The following EP300 variants were observed in gnomAD, a reference collection of about 807,000 sequenced individuals.
EP300 encodes the protein histone acetyltransferase p300.
In EP300, 31 loss-of-function variants were observed where a neutral mutation model predicts 264.0. That is an observed-to-expected ratio of 0.12 (90% CI 0.09 to 0.16). The LOEUF is 0.16. Among genes scored for constraint, EP300 ranks in the 10% least tolerant of loss-of-function variants. The pLI is 1.00. For missense variants in EP300, 2,766 were observed against 3,052.9 expected (o/e 0.91, Z 2.21); for synonymous variants, 1,340 against 1,045.4 (o/e 1.28, Z -5.44).
chr22:41,121,290 C>T (rs1254299095), intron 2 of EP300, among the ~76,000 whole-genome samples: 1 of 152,090 alleles, frequency 6.6e-6, no homozygotes, highest in Non-Finnish European at 1.5e-5. Flanking sequence ...GGTAATTGGA[C>T]ATCTGGAGCA....
intron 16 of EP300, among the ~76,000 whole-genome samples, chr22:41,154,607 C>CA (rs1480468167): frequency 6.6e-6 from 1 of 151,890 alleles, no homozygotes; most frequent in Non-Finnish European, 1.5e-5. Context: ...CTTCTGACCT[C>CA]AAAGTGATCT....
At chr22:41,163,253 G>A in intron 21 of EP300, among the ~76,000 whole-genome samples, 1 of 149,158 alleles carries the variant, frequency 6.7e-6, no homozygotes, top group East Asian at 2.0e-4. Flanking sequence ...GGCTAAAACG[G>A]TGAAACCCCG....
Position 41,179,880 on chromosome 22 carries a change from TCACACACACACACACACACA to T in EP300, c.*948_*967del, listed in dbSNP as rs59721178. On this transcript the variant is annotated 3_prime_UTR_variant, in exon 31 of 31. Coordinates refer to ENST00000263253, the MANE Select transcript of EP300 (RefSeq NM_001429.4). ...TCTTCCTCCTTACCCTACCCCCCAC[TCACACACACACACACACACA>T]CACACACACACACACACACACACTT... 1.8e-3 allele frequency: 306 copies of T among 167,190 alleles called. 10 individuals carry two copies. The highest frequency in any genetic ancestry group is 5.3e-3 in the South Asian group (21 of 3,956). The allele number at this position is 167,190 out of a possible 1,614,324, so 10.4% of individuals were successfully genotyped here.
chr22:41,098,341 ATTCT>A (rs1301408685), intron 1 of EP300, among the ~76,000 whole-genome samples: 1 of 152,158 alleles, frequency 6.6e-6, no homozygotes, highest in African/African-American at 2.4e-5. Flanking sequence ...TTAGATCTAG[ATTCT>A]TTTTTATAAA....
chr22:41,098,810 G>A (rs540166451), intron 1 of EP300, among the ~76,000 whole-genome samples: 92 of 152,186 alleles, frequency 6.0e-4, no homozygotes, highest in African/African-American at 2.2e-3. Context: ...GTGAACTTTG[G>A]GCCAAATACT....
Position 41,177,406 on chromosome 22 carries a change from G to T in EP300, c.5695G>T (p.Gly1899Cys). The change falls in exon 31 of 31, where the codon GGT becomes TGT. Residue 1899 changes from glycine to cysteine, a missense_variant. Transcript: ENST00000263253. ...RTQAAGPVSQGKAAGQVTPPT... is the reference protein window; with the variant it reads ...RTQAAGPVSQCKAAGQVTPPT... ...TCAAGCTGCTGGCCCTGTGTCCCAGGGTAAGGCAGCAGGCCAGGTGACCCC... is the reference window on the plus strand; with the variant it reads ...TCAAGCTGCTGGCCCTGTGTCCCAGTGTAAGGCAGCAGGCCAGGTGACCCC... The T allele has an allele frequency of 1.9e-6, 3 of 1,614,102 alleles. No individual in the cohort carries two copies. Among genetic ancestry groups the T allele is most frequent in the Non-Finnish European group, 2.5e-6 (3 of 1,180,022 alleles).
At position 41,180,018 on chromosome 22, in the gene EP300, A is replaced by G. The variant is rs2059234645; in HGVS notation, c.*1062A>G. The G allele has an allele frequency of 4.3e-6, 1 of 231,492 alleles. No individual in the cohort carries two copies. The highest frequency in any genetic ancestry group is 1.8e-4 in the South Asian group (1 of 5,522). The allele number at this position is 231,492 out of a possible 1,614,324, so 14.3% of individuals were successfully genotyped here. Reference sequence around the variant, plus strand: ...ATAAATATGAACTTTGGATCACTGTATAGACTGTTAAATTTGATTTCTTAT... The same window carrying G: ...ATAAATATGAACTTTGGATCACTGTGTAGACTGTTAAATTTGATTTCTTAT... On this transcript the variant is annotated 3_prime_UTR_variant, in exon 31 of 31. Coordinates refer to ENST00000263253, the MANE Select transcript of EP300 (RefSeq NM_001429.4).
rs2059230323 is a variant in EP300 at position 41,179,781 on chromosome 22, G to C, written c.*825G>C. 1 of 228,604 alleles carries C rather than the reference G, an allele frequency of 4.4e-6. No homozygotes were observed. The allele number at this position is 228,604 out of a possible 1,614,324, so 14.2% of individuals were successfully genotyped here. A position where few individuals can be genotyped will look rare whatever the true frequency, so the allele number is the denominator to read the frequency against. On this transcript the variant is annotated 3_prime_UTR_variant, in exon 31 of 31. Transcript: ENST00000263253. ...TCTAACAAAGTAAAAAAATTAAAAAGAGGGTAAGAAACGATTCCGGTGGGA... is the reference window on the plus strand; with the variant it reads ...TCTAACAAAGTAAAAAAATTAAAAACAGGGTAAGAAACGATTCCGGTGGGA...
chr22:41,160,935 T>C (rs1429047271), intron 20 of EP300, among the ~76,000 whole-genome samples: 1 of 152,212 alleles, frequency 6.6e-6, no homozygotes, highest in Non-Finnish European at 1.5e-5. Flanking sequence ...GTCTGGTGGC[T>C]ACCATATTGG....
intron 23 of EP300, 51 bp downstream of exon 23, chr22:41,166,717 G>A: frequency 7.8e-7 from 1 of 1,276,332 alleles, no homozygotes; most frequent in East Asian, 2.3e-5. Flanking sequence ...CTGAAGCCTA[G>A]ATAAGAAACC....
chr22:41,093,595 C>T (rs575175988), intron 1 of EP300, among the ~76,000 whole-genome samples: 6 of 152,252 alleles, frequency 3.9e-5, no homozygotes, highest in African/African-American at 1.4e-4. Flanking sequence ...TTTGTGTGTG[C>T]GAGGTCCAAG....
intron 5 of EP300, among the ~76,000 whole-genome samples, chr22:41,130,634 T>G (rs1267584723): frequency 2.0e-5 from 3 of 152,140 alleles, no homozygotes; most frequent in Non-Finnish European, 2.9e-5. Flanking sequence ...CAAACAGCAA[T>G]AGGTAAATTT....
At chr22:41,099,971 C>A (rs1258525428) in intron 1 of EP300, among the ~76,000 whole-genome samples, 2 of 152,178 alleles carry the variant, frequency 1.3e-5, no homozygotes, top group African/African-American at 4.8e-5. Flanking sequence ...AATCCTGGCA[C>A]TTTGGGAGAT....
chr22:41,097,178 C>T (rs2058707074), intron 1 of EP300, among the ~76,000 whole-genome samples: 1 of 152,182 alleles, frequency 6.6e-6, no homozygotes, highest in Non-Finnish European at 1.5e-5. Context: ...GGCAATTATT[C>T]TCAAGGCCTT....
chr22:41,152,427 T>G, intron 16 of EP300, 77 bp downstream of exon 16: 1 of 1,535,002 alleles, frequency 6.5e-7, no homozygotes, highest in Non-Finnish European at 8.9e-7. Flanking sequence ...GTCATGCCTC[T>G]TGGGCCTCAG....
chr22:41,102,880 C>T (rs1202293274), intron 1 of EP300, among the ~76,000 whole-genome samples: 3 of 152,140 alleles, frequency 2.0e-5, no homozygotes, highest in Non-Finnish European at 2.9e-5. Flanking sequence ...TATTTTGAGA[C>T]AATCTCTGAC....
rs149334041 is a variant in EP300 at position 41,136,483 on chromosome 22, C to T, written c.1622+577C>T. Among the ~76,000 whole-genome samples, 9 of 151,764 alleles carry T rather than the reference C, an allele frequency of 5.9e-5. No homozygotes were observed. The East Asian group carries it at 1.4e-3, about 23-fold the overall frequency. On this transcript the variant is annotated intron_variant, in intron 7 of 30. Transcript: ENST00000263253. ...CACCAGCCTGGGCAATATGTCAAGACGTCTTCTCTACAAGAAAATACAAAA... is the reference window on the plus strand; with the variant it reads ...CACCAGCCTGGGCAATATGTCAAGATGTCTTCTCTACAAGAAAATACAAAA...
In EP300 at chr22:41,160,705, C is replaced by A. The variant is rs1200223003; in HGVS notation, c.3654C>A (p.Asp1218Glu). ...GGGAGAGCGTTTCTTTGGGGGATGA[C>A]CCTTCCCAGCCTCAAACGTAAGTAA... ...IQGESVSLGD[D>E]PSQPQTTINK... is the part of the protein sequence containing the mutation. Residue 1218 changes from aspartate to glutamate, a missense_variant, in exon 20 of 31, where the codon GAC becomes GAA. Coordinates refer to ENST00000263253, the MANE Select transcript of EP300 (RefSeq NM_001429.4). 3 of 1,614,022 alleles carry A rather than the reference C, an allele frequency of 1.9e-6. No homozygotes were observed. The East Asian group carries it at 6.7e-5, about 36-fold the overall frequency.
At chr22:41,176,172 A>G in intron 29 of EP300, 75 bp from the exon 30 acceptor site, 2 of 1,567,312 alleles carry the variant, frequency 1.3e-6, no homozygotes, top group Non-Finnish European at 1.7e-6. Context: ...GTGAGCCAAG[A>G]TCACGCCACT....
Sources: gnomAD v4.1 joint callset for allele counts (sites outside exome capture counted in the v4.1 genomes callset) on GRCh38, gnomAD v4.1.1 for gene constraint, MANE v1.5 for transcripts, NCBI Gene and HGNC (gene_info 2026-07-23, HGNC 2026-07-21) for gene names.